ERC2: variants seen among roughly 807,000 people sequenced by gnomAD.
The protein encoded by ERC2 is ERC protein 2.
Under a neutral mutation model 114.8 loss-of-function variants are expected in ERC2, and 42 were observed. The ratio of observed to expected loss-of-function variants is 0.37; its 90% confidence interval spans 0.29 to 0.47. ERC2 has a LOEUF of 0.47. Ranked by LOEUF, ERC2 falls within the 20% of genes least tolerant of loss-of-function variation. The pLI is 0.99. For synonymous variants in ERC2, 454 were observed against 425.5 expected (o/e 1.07, Z -0.82); for missense variants, 939 against 1,150.7 (o/e 0.82, Z 2.66).
chr3:55,630,291 G>A (rs557723934), intron 17 of ERC2, among the ~76,000 whole-genome samples: 8 of 152,136 alleles, frequency 5.3e-5, no homozygotes, highest in Admixed American at 2.0e-4. Flanking sequence ...TGCCTCCGCC[G>A]CCTGAGTAGC....
intron 1 of ERC2, among the ~76,000 whole-genome samples, chr3:56,446,695 G>A (rs1040506718): frequency 7.6e-6 from 1 of 131,592 alleles, no homozygotes; most frequent in Non-Finnish European, 1.5e-5. Context: ...GCACAATCTC[G>A]GCTCACTGCA....
intron 1 of ERC2, among the ~76,000 whole-genome samples, chr3:56,462,902 A>T (rs1328738199): frequency 6.6e-6 from 1 of 152,114 alleles, no homozygotes; most frequent in Non-Finnish European, 1.5e-5. Flanking sequence ...CAAGACCAAG[A>T]TCCTTCCAGG....
chr3:55,916,726 C>T (rs1443168337), intron 13 of ERC2, among the ~76,000 whole-genome samples: 1 of 152,070 alleles, frequency 6.6e-6, no homozygotes, highest in African/African-American at 2.4e-5. Context: ...CCTCTCCAAG[C>T]CACACTGTAT....
chr3:56,124,014 T>C (rs189846246), intron 6 of ERC2, among the ~76,000 whole-genome samples: 2 of 152,292 alleles, frequency 1.3e-5, no homozygotes, highest in South Asian at 2.1e-4. Context: ...TTTGCACATA[T>C]GAAAGTTTTA....
At chr3:56,027,322 G>A (rs191133312) in intron 7 of ERC2, among the ~76,000 whole-genome samples, 172 of 152,166 alleles carry the variant, frequency 1.1e-3, no homozygotes, top group African/African-American at 4.0e-3. Context: ...TCACTTTTCT[G>A]GGACAAATGC....
At chr3:56,263,372 A>C (rs972861837) in intron 3 of ERC2, among the ~76,000 whole-genome samples, 8 of 151,698 alleles carry the variant, frequency 5.3e-5, no homozygotes, top group South Asian at 4.1e-4. Flanking sequence ...AAAAAAAAAA[A>C]AAGCCATGAG....
chr3:56,327,922 T>G (rs1324849050), intron 2 of ERC2, among the ~76,000 whole-genome samples: 2 of 152,212 alleles, frequency 1.3e-5, no homozygotes, highest in Non-Finnish European at 1.5e-5. Flanking sequence ...CTACATGTGG[T>G]TGAGTTCAGA....
At chr3:55,780,582 T>A (rs1265112475) in intron 14 of ERC2, among the ~76,000 whole-genome samples, 1 of 152,218 alleles carries the variant, frequency 6.6e-6, no homozygotes, top group African/African-American at 2.4e-5. Context: ...AAATAACATA[T>A]TTTTTAAAAT....
chr3:56,451,164 TTCTA>T (rs1164813761), intron 1 of ERC2, among the ~76,000 whole-genome samples: 2 of 152,190 alleles, frequency 1.3e-5, no homozygotes, highest in African/African-American at 4.8e-5. Context: ...CTAAAAAATC[TTCTA>T]TCTGTCAACT....
intron 12 of ERC2, among the ~76,000 whole-genome samples, chr3:55,978,553 G>A (rs748211441): frequency 6.6e-6 from 1 of 152,094 alleles, no homozygotes; most frequent in Non-Finnish European, 1.5e-5. Context: ...TGTTACTCTT[G>A]GCATGAAAAT....
intron 1 of ERC2, among the ~76,000 whole-genome samples, chr3:56,467,667 T>C (rs2063609931): frequency 6.6e-6 from 1 of 151,936 alleles, no homozygotes; most frequent in African/African-American, 2.4e-5. Flanking sequence ...CGTATTCCTT[T>C]TCATACACCA....
intron 7 of ERC2, among the ~76,000 whole-genome samples, chr3:56,054,062 C>T (rs560485141): frequency 1.7e-4 from 26 of 152,270 alleles, no homozygotes; most frequent in South Asian, 1.0e-3. Context: ...TTAAACTTTG[C>T]TAACAGCTGG....
chr3:55,656,447 C>T (rs1367861141), intron 17 of ERC2, among the ~76,000 whole-genome samples: 1 of 152,162 alleles, frequency 6.6e-6, no homozygotes, highest in African/African-American at 2.4e-5. Context: ...CATGAGCCAC[C>T]ATTCCTGGTG....
chr3:55,858,352 G>T (rs1347484980), intron 14 of ERC2, among the ~76,000 whole-genome samples: 4 of 152,086 alleles, frequency 2.6e-5, no homozygotes, highest in Non-Finnish European at 5.9e-5. Flanking sequence ...TACAATGCTG[G>T]CAGGAGAAAT....
chr3:56,144,588 G>A (rs921046298), intron 5 of ERC2, among the ~76,000 whole-genome samples: 2 of 152,192 alleles, frequency 1.3e-5, no homozygotes, highest in East Asian at 1.9e-4. Flanking sequence ...TTGGTGTATT[G>A]AGAGAGAAAT....
At chr3:55,700,942 C>T (rs1295405234) in intron 15 of ERC2, among the ~76,000 whole-genome samples, 2 of 152,130 alleles carry the variant, frequency 1.3e-5, no homozygotes, top group Non-Finnish European at 2.9e-5. Context: ...ATGCTGCCAT[C>T]CTAGAGACAA....
intron 17 of ERC2, among the ~76,000 whole-genome samples, chr3:55,602,326 TA>T (rs1422106332): frequency 2.0e-5 from 3 of 152,112 alleles, no homozygotes; most frequent in African/African-American, 7.2e-5. Flanking sequence ...AACCCTTCCC[TA>T]AAAGCCATAC....
At chr3:56,306,436 T>C (rs2056230618) in intron 2 of ERC2, among the ~76,000 whole-genome samples, 1 of 152,140 alleles carries the variant, frequency 6.6e-6, no homozygotes, top group Admixed American at 6.5e-5. Context: ...AAAGAACAAA[T>C]GACAGCTACA....
intron 13 of ERC2, among the ~76,000 whole-genome samples, chr3:55,945,962 A>G (rs1203261044): frequency 1.3e-5 from 2 of 152,264 alleles, no homozygotes; most frequent in Admixed American, 6.5e-5. Flanking sequence ...TAGTTTATTA[A>G]CTCGATAAGC....
Sources: gnomAD v4.1 joint callset for allele counts (sites outside exome capture counted in the v4.1 genomes callset) on GRCh38, gnomAD v4.1.1 for gene constraint, MANE v1.5 for transcripts, NCBI Gene and HGNC (gene_info 2026-07-23, HGNC 2026-07-21) for gene names.